DPY19L3: variants seen among roughly 807,000 people sequenced by gnomAD.
DPY19L3 encodes protein C-mannosyl-transferase DPY19L3.
A neutral mutation model predicts 92.3 loss-of-function variants in DPY19L3; 51 were observed. The observed-to-expected ratio is 0.55, with a 90% CI of 0.44 to 0.70. The LOEUF (loss-of-function observed/expected upper bound fraction) is 0.70. Ranked by LOEUF, DPY19L3 falls within the 30% of genes least tolerant of loss-of-function variation. The pLI is 0.00. For missense variants in DPY19L3, 706 were observed against 855.9 expected (o/e 0.82, Z 2.18); for synonymous variants, 309 against 315.2 (o/e 0.98, Z 0.21).
At position 32,482,397 on chromosome 19, in the gene DPY19L3, A is replaced by G; in HGVS notation, c.*157A>G. ...TTTACACAAGTGTTGCCATCTTTGA[A>G]AGCATCTTCTACAAGCAGAAGTCTT... On this transcript the variant is annotated 3_prime_UTR_variant, in exon 19 of 19. Transcript: ENST00000392250. 2.6e-6 allele frequency: 2 copies of G among 775,184 alleles called. No individual in the cohort carries two copies. Among genetic ancestry groups the G allele is most frequent in the Non-Finnish European group, 4.0e-6 (2 of 498,768 alleles). The allele number at this position is 775,184 out of a possible 1,614,324, so 48.0% of individuals were successfully genotyped here.
At chr19:32,479,092 C>T (rs757090662) in intron 17 of DPY19L3, among the ~76,000 whole-genome samples, 1 of 152,086 alleles carries the variant, frequency 6.6e-6, no homozygotes, top group Non-Finnish European at 1.5e-5. Flanking sequence ...TTCATGTTGG[C>T]GGTTGAAAAG....
chr19:32,423,226 GGTCTT>G (rs1968633933), intron 3 of DPY19L3, among the ~76,000 whole-genome samples: 3 of 151,878 alleles, frequency 2.0e-5, no homozygotes, highest in South Asian at 2.1e-4. Flanking sequence ...AAGTAATGTA[GGTCTT>G]GTCATTAATT....
At chr19:32,475,406 C>G (rs963387625) in intron 16 of DPY19L3, among the ~76,000 whole-genome samples, 1 of 152,226 alleles carries the variant, frequency 6.6e-6, no homozygotes, top group African/African-American at 2.4e-5. Flanking sequence ...CATGTTCTCT[C>G]TGCATCCTAA....
intron 8 of DPY19L3, among the ~76,000 whole-genome samples, chr19:32,444,387 A>G (rs530865452): frequency 6.6e-6 from 1 of 152,170 alleles, no homozygotes; most frequent in Non-Finnish European, 1.5e-5. Context: ...AGATAGAACA[A>G]TTTAGAAATT....
At chr19:32,425,570 A>C (rs1343273511) in intron 3 of DPY19L3, among the ~76,000 whole-genome samples, 1 of 152,148 alleles carries the variant, frequency 6.6e-6, no homozygotes, top group East Asian at 1.9e-4. Flanking sequence ...AAAGAAAAAA[A>C]TTAAGACTCA....
At chr19:32,464,850 T>C (rs1970155159) in intron 15 of DPY19L3, 66 bp downstream of exon 15, 1 of 1,141,614 alleles carries the variant, frequency 8.8e-7, no homozygotes, top group Non-Finnish European at 1.2e-6. Flanking sequence ...TGATTCAATA[T>C]ATTTTGTGTA....
intron 16 of DPY19L3, among the ~76,000 whole-genome samples, chr19:32,471,890 A>G (rs761885055): frequency 1.3e-5 from 2 of 152,186 alleles, no homozygotes; most frequent in Admixed American, 1.3e-4. Flanking sequence ...TTAAAGCCTT[A>G]ACTAATTTAT....
At chr19:32,480,738 G>T in intron 18 of DPY19L3, 181 bp downstream of exon 18, 1 of 846,080 alleles carries the variant, frequency 1.2e-6, no homozygotes, top group Non-Finnish European at 1.8e-6. Flanking sequence ...GACTGCCACC[G>T]GGGCTGGGCA....
chr19:32,476,116 T>A (rs1970501090), intron 16 of DPY19L3, among the ~76,000 whole-genome samples: 1 of 152,174 alleles, frequency 6.6e-6, no homozygotes, highest in Non-Finnish European at 1.5e-5. Context: ...CTTGTAGACA[T>A]CCAAGGCCTC....
At position 32,439,256 on chromosome 19, in the gene DPY19L3, A is replaced by G. The variant is rs199601497; in HGVS notation, c.720+21A>G. ...CTGAAGTAAGTGTTTATAAAATTTC[A>G]TATATTTTAATCCCCCAATTTTATA... is the stretch of plus-strand genomic sequence containing the variant. On this transcript the variant is annotated intron_variant, in intron 7 of 18. Transcript: ENST00000392250. The G allele has an allele frequency of 7.0e-4, 1,124 of 1,603,246 alleles. 2 individuals are homozygous for G. The highest frequency in any genetic ancestry group is 2.3e-3 in the Admixed American group (133 of 58,262).
intron 16 of DPY19L3, among the ~76,000 whole-genome samples, chr19:32,472,964 T>TAA (rs1180295266): frequency 6.6e-6 from 1 of 152,246 alleles, no homozygotes; most frequent in Non-Finnish European, 1.5e-5. Flanking sequence ...TAAATGCCTA[T>TAA]AAGCCTCTTT....
intron 16 of DPY19L3, among the ~76,000 whole-genome samples, chr19:32,469,688 A>C (rs762642958): frequency 5.9e-5 from 9 of 152,140 alleles, no homozygotes; most frequent in Admixed American, 3.9e-4. Context: ...GAATATCATA[A>C]TGCTTTAGTG....
chr19:32,470,394 A>G (rs776845241), intron 16 of DPY19L3, among the ~76,000 whole-genome samples: 1 of 152,190 alleles, frequency 6.6e-6, no homozygotes, highest in East Asian at 1.9e-4. Context: ...GTTGAAATCA[A>G]TGCTGAGGAC....
chr19:32,438,940 C>T (rs939653531), intron 6 of DPY19L3, 172 bp from the exon 7 acceptor site: 14 of 710,470 alleles, frequency 2.0e-5, no homozygotes, highest in South Asian at 2.1e-5. Flanking sequence ...TTTTATGTTA[C>T]AGGGATGATG....
chr19:32,425,913 T>A (rs2145448320), intron 3 of DPY19L3, among the ~76,000 whole-genome samples: 1 of 152,228 alleles, frequency 6.6e-6, no homozygotes. Context: ...CTAACGAGAG[T>A]CAGCCTATGC....
Position 32,458,171 on chromosome 19 carries a change from A to T in DPY19L3, c.1161A>T (p.Thr387=). 6.2e-7 allele frequency: 1 copy of T among 1,613,102 alleles called. No individual in the cohort carries two copies. The highest frequency in any genetic ancestry group is 8.5e-7 in the Non-Finnish European group (1 of 1,179,474). Residue 387 remains threonine (T), a splice_region_variant and synonymous_variant, in exon 11 of 19, where the codon ACA becomes ACT. Transcript: ENST00000392250. ...FLKAKFGLGA[T]RDFDANLYLC... ...AGGCAAAATTTGGGCTTGGAGCAAC[A>T]AGGTATAACTGAATTGAAAGTCTAT...
intron 3 of DPY19L3, among the ~76,000 whole-genome samples, chr19:32,423,402 A>ATTTTTTTTTTTTTTTTTTTT (rs71176123): frequency 1.2e-5 from 1 of 82,228 alleles, no homozygotes; most frequent in Non-Finnish European, 2.4e-5. Context: ...TGCCCAGCTA[A>ATTTTTTTTTTTTTTTTTTTT]TTTTTTTTTT....
At chr19:32,436,329 A>G (rs1222741563) in intron 4 of DPY19L3, 117 bp from the exon 5 acceptor site, 4 of 669,068 alleles carry the variant, frequency 6.0e-6, no homozygotes, top group Non-Finnish European at 8.7e-6. Flanking sequence ...GCTTACTCTT[A>G]TATCCCCAAT....
At chr19:32,471,016 C>T (rs991777281) in intron 16 of DPY19L3, among the ~76,000 whole-genome samples, 1 of 152,144 alleles carries the variant, frequency 6.6e-6, no homozygotes, top group African/African-American at 2.4e-5. Flanking sequence ...TAAATCAACA[C>T]TCAAATCCAC....
Sources: gnomAD v4.1 joint callset for allele counts (sites outside exome capture counted in the v4.1 genomes callset) on GRCh38, gnomAD v4.1.1 for gene constraint, MANE v1.5 for transcripts, NCBI Gene and HGNC (gene_info 2026-07-23, HGNC 2026-07-21) for gene names.